The following SYN3 variants were observed in gnomAD, a reference collection of about 807,000 sequenced individuals.
SYN3 encodes the protein synapsin-3.
Under a neutral mutation model 65.8 loss-of-function variants are expected in SYN3, and 35 were observed. The ratio of observed to expected loss-of-function variants is 0.53; its 90% confidence interval spans 0.41 to 0.70. The LOEUF is 0.70. SYN3 is among the 30% of genes least tolerant of loss of function. SYN3 has a pLI of 0.00. For missense variants in SYN3, 680 were observed against 749.0 expected, an observed-to-expected ratio of 0.91 and a Z score of 1.08; for synonymous variants, 270 against 292.9, an observed-to-expected ratio of 0.92 and a Z score of 0.80.
At chr22:32,838,256 G>C (rs938527462) in intron 6 of SYN3, among the ~76,000 whole-genome samples, 2 of 151,996 alleles carry the variant, frequency 1.3e-5, no homozygotes, top group Non-Finnish European at 2.9e-5. Flanking sequence ...TGAGGAGAAG[G>C]AGGGGGGGTG....
At chr22:32,780,279 G>T (rs1398740738) in intron 6 of SYN3, among the ~76,000 whole-genome samples, 1 of 152,018 alleles carries the variant, frequency 6.6e-6, no homozygotes, top group Admixed American at 6.6e-5. Context: ...CTGGCCCTGG[G>T]GGGTGCCGGG....
At chr22:32,968,570 G>A (rs749176257) in intron 3 of SYN3, among the ~76,000 whole-genome samples, 4 of 152,118 alleles carry the variant, frequency 2.6e-5, no homozygotes, top group East Asian at 1.9e-4. Flanking sequence ...TGTCAGCTTC[G>A]TCTCCCACCA....
chr22:32,831,506 C>T (rs956749577), intron 6 of SYN3, among the ~76,000 whole-genome samples: 8 of 151,984 alleles, frequency 5.3e-5, no homozygotes, highest in Admixed American at 2.0e-4. Flanking sequence ...ATGTGGGGGT[C>T]GGAGTTGGGG....
chr22:32,637,584 G>T (rs2059833363), intron 6 of SYN3, among the ~76,000 whole-genome samples: 1 of 150,512 alleles, frequency 6.6e-6, no homozygotes, highest in African/African-American at 2.4e-5. Flanking sequence ...TGTCACTCAG[G>T]TACTGAGCAT....
At chr22:32,567,891 C>T (rs1412161697) in intron 7 of SYN3, among the ~76,000 whole-genome samples, 1 of 152,204 alleles carries the variant, frequency 6.6e-6, no homozygotes, top group East Asian at 1.9e-4. Context: ...TTCCCTGCCT[C>T]CCTCCTCCTT....
intron 1 of SYN3, among the ~76,000 whole-genome samples, chr22:33,055,726 T>A (rs2054244039): frequency 6.6e-6 from 1 of 151,862 alleles, no homozygotes; most frequent in Admixed American, 6.6e-5. Flanking sequence ...AGGCAAGGAG[T>A]CAATTGGACA....
intron 7 of SYN3, among the ~76,000 whole-genome samples, chr22:32,593,248 C>A (rs1262479918): frequency 2.0e-5 from 3 of 149,622 alleles, no homozygotes; most frequent in Admixed American, 1.3e-4. Flanking sequence ...TCGTCTGTGT[C>A]ATTTTTTTTT....
intron 6 of SYN3, chr22:32,802,261 C>A: frequency 7.6e-7 from 1 of 1,310,848 alleles, no homozygotes; most frequent in Admixed American, 2.6e-5. Flanking sequence ...TGGAGAAACT[C>A]GATGTCCTTG....
intron 6 of SYN3, among the ~76,000 whole-genome samples, chr22:32,675,028 C>CA (rs1238321477): frequency 2.0e-5 from 3 of 152,182 alleles, no homozygotes; most frequent in Non-Finnish European, 4.4e-5. Flanking sequence ...AAAGACTGAA[C>CA]AAAGTTCTGT....
intron 6 of SYN3, among the ~76,000 whole-genome samples, chr22:32,641,345 A>G (rs2059895627): frequency 6.6e-6 from 1 of 152,170 alleles, no homozygotes; most frequent in Admixed American, 6.5e-5. Context: ...GCGGTGGTTC[A>G]TGCCTGTAAT....
chr22:32,847,395 G>C (rs1262237269), intron 6 of SYN3, among the ~76,000 whole-genome samples: 1 of 152,128 alleles, frequency 6.6e-6, no homozygotes, highest in Non-Finnish European at 1.5e-5. Flanking sequence ...ACAACCACTC[G>C]CCTCCTCCTA....
At chr22:33,035,732 C>G (rs543285820) in intron 1 of SYN3, among the ~76,000 whole-genome samples, 1 of 152,146 alleles carries the variant, frequency 6.6e-6, no homozygotes, top group Non-Finnish European at 1.5e-5. Flanking sequence ...GCACGTACCA[C>G]AAGGCCCAGA....
At chr22:32,781,362 T>G (rs1460789954) in intron 6 of SYN3, among the ~76,000 whole-genome samples, 1 of 152,062 alleles carries the variant, frequency 6.6e-6, no homozygotes, top group East Asian at 1.9e-4. Flanking sequence ...AGAGCCTGAA[T>G]AGATGATGGT....
chr22:32,548,956 T>G (rs1408375043), intron 7 of SYN3, among the ~76,000 whole-genome samples: 1 of 152,204 alleles, frequency 6.6e-6, no homozygotes, highest in East Asian at 1.9e-4. Context: ...AGGATGAAGT[T>G]AGATGAGACC....
chr22:32,531,142 C>A (rs1272668265), intron 10 of SYN3, among the ~76,000 whole-genome samples: 1 of 132,346 alleles, frequency 7.6e-6, no homozygotes, highest in Non-Finnish European at 1.6e-5. Flanking sequence ...GAATGAGACC[C>A]CGTCTCAAAA....
chr22:32,628,299 T>G (rs1305703327), intron 6 of SYN3, among the ~76,000 whole-genome samples: 2 of 152,146 alleles, frequency 1.3e-5, no homozygotes, highest in African/African-American at 2.4e-5. Flanking sequence ...GAAGCTTCCA[T>G]GTAGTGCCCT....
chr22:32,752,129 T>C (rs1041988150), intron 6 of SYN3, among the ~76,000 whole-genome samples: 107 of 152,208 alleles, frequency 7.0e-4, no homozygotes, highest in African/African-American at 2.5e-3. Flanking sequence ...AGTGAGTACA[T>C]GACTACGAGT....
At chr22:32,886,850 G>C (rs1371082683) in intron 4 of SYN3, among the ~76,000 whole-genome samples, 4 of 152,176 alleles carry the variant, frequency 2.6e-5, no homozygotes, top group Non-Finnish European at 5.9e-5. Flanking sequence ...TGTCTGCATA[G>C]TTACGTGCTG....
chr22:33,035,330 A>ACC (rs133975), intron 1 of SYN3, among the ~76,000 whole-genome samples: 455 of 31,338 alleles, frequency 0.015, 64 homozygotes, highest in Non-Finnish European at 0.024. Flanking sequence ...AAATCTCGGG[A>ACC]CCCCCCCCCC....
Sources: gnomAD v4.1 joint callset for allele counts (sites outside exome capture counted in the v4.1 genomes callset) on GRCh38, gnomAD v4.1.1 for gene constraint, MANE v1.5 for transcripts, NCBI Gene and HGNC (gene_info 2026-07-23, HGNC 2026-07-21) for gene names.